The following DLG2 variants were observed in gnomAD, a reference collection of about 807,000 sequenced individuals.
DLG2 encodes the protein disks large homolog 2.
A neutral mutation model predicts 132.5 loss-of-function variants in DLG2; 45 were observed. That is an observed-to-expected ratio of 0.34 (90% CI 0.27 to 0.44). DLG2 has a LOEUF of 0.44. Ranked by LOEUF, DLG2 falls within the 20% of genes least tolerant of loss-of-function variation. The pLI, the probability that DLG2 is intolerant of heterozygous loss-of-function variation, is 1.00. For synonymous variants in DLG2, 424 were observed against 419.6 expected (o/e 1.01, Z -0.13); for missense variants, 1,045 against 1,196.9 (o/e 0.87, Z 1.87).
At chr11:83,632,555 T>G (rs2153458667) in intron 19 of DLG2, 1 of 152,270 alleles carries the variant, frequency 6.6e-6, no homozygotes, top group Admixed American at 6.5e-5. Flanking sequence ...TATAGTTGAG[T>G]GTTGATGGAT....
At chr11:85,579,571 C>T (rs2078379531) in intron 3 of DLG2, among the ~76,000 whole-genome samples, 1 of 151,994 alleles carries the variant, frequency 6.6e-6, no homozygotes. Flanking sequence ...TCTCTATAAC[C>T]TTGATAAGTA....
intron 7 of DLG2, among the ~76,000 whole-genome samples, chr11:84,281,906 A>G (rs2097858225): frequency 6.6e-6 from 1 of 152,162 alleles, no homozygotes; most frequent in African/African-American, 2.4e-5. Context: ...AGTCTCATAC[A>G]CTGCTGGTGA....
chr11:83,631,167 CTTTTTTTTTT>C (rs57696126), intron 19 of DLG2: 1 of 91,660 alleles, frequency 1.1e-5, no homozygotes, highest in Admixed American at 1.1e-4. Context: ...TTGCTTCTTG[CTTTTTTTTTT>C]TTTTTTTTTT....
chr11:84,352,796 A>C (rs1272737909), intron 7 of DLG2, among the ~76,000 whole-genome samples: 2 of 152,214 alleles, frequency 1.3e-5, no homozygotes, highest in African/African-American at 4.8e-5. Context: ...ACTTTATGAA[A>C]GAGAAAAGCA....
At chr11:85,562,330 G>A (rs551990637) in intron 3 of DLG2, among the ~76,000 whole-genome samples, 5 of 151,802 alleles carry the variant, frequency 3.3e-5, no homozygotes, top group Non-Finnish European at 7.4e-5. Flanking sequence ...TTAGAGCTAA[G>A]AATTCCTTGG....
At chr11:84,322,444 G>A (rs1363499101) in intron 7 of DLG2, among the ~76,000 whole-genome samples, 1 of 152,150 alleles carries the variant, frequency 6.6e-6, no homozygotes, top group African/African-American at 2.4e-5. Flanking sequence ...GCTTTTTCAA[G>A]AGTTCTCCCT....
intron 16 of DLG2, among the ~76,000 whole-genome samples, chr11:83,846,732 A>T (rs2058675826): frequency 6.6e-6 from 1 of 152,116 alleles, no homozygotes; most frequent in Admixed American, 6.5e-5. Flanking sequence ...CTCGCAACAT[A>T]AATCAACTAT....
intron 3 of DLG2, among the ~76,000 whole-genome samples, chr11:85,516,731 C>T (rs2094177074): frequency 1.3e-5 from 2 of 151,844 alleles, no homozygotes. Flanking sequence ...CCTAAAAATA[C>T]AGAAACCCTA....
chr11:83,748,877 C>CT (rs1161364632), intron 18 of DLG2, among the ~76,000 whole-genome samples: 1 of 152,174 alleles, frequency 6.6e-6, no homozygotes, highest in South Asian at 2.1e-4. Flanking sequence ...ATTTTACAAG[C>CT]TTTTTTTGCC....
intron 3 of DLG2, among the ~76,000 whole-genome samples, chr11:85,438,539 G>T (rs2091610162): frequency 6.6e-6 from 1 of 152,038 alleles, no homozygotes; most frequent in African/African-American, 2.4e-5. Flanking sequence ...AATATACAGA[G>T]ATATCTTATA....
At chr11:85,386,033 T>C (rs1488398574) in intron 3 of DLG2, among the ~76,000 whole-genome samples, 3 of 152,246 alleles carry the variant, frequency 2.0e-5, no homozygotes, top group Non-Finnish European at 2.9e-5. Context: ...ACATGTGTTT[T>C]CTTTAAGAGA....
intron 11 of DLG2, among the ~76,000 whole-genome samples, chr11:83,983,175 T>A (rs1302926113): frequency 6.6e-6 from 1 of 152,154 alleles, no homozygotes; most frequent in African/African-American, 2.4e-5. Context: ...TAAGAATTTT[T>A]AAAAATCTCT....
intron 11 of DLG2, among the ~76,000 whole-genome samples, chr11:84,019,866 G>T (rs75323382): frequency 2.6e-5 from 4 of 152,090 alleles, no homozygotes; most frequent in South Asian, 2.1e-4. Flanking sequence ...CTAATATCTC[G>T]ATCTCAGACT....
intron 6 of DLG2, among the ~76,000 whole-genome samples, chr11:84,741,148 G>A (rs1049716845): frequency 2.9e-5 from 4 of 135,826 alleles, no homozygotes; most frequent in African/African-American, 1.1e-4. Flanking sequence ...CTCACTGCAA[G>A]CTCCGCCTTC....
intron 8 of DLG2, among the ~76,000 whole-genome samples, chr11:84,224,826 C>T (rs1290323206): frequency 1.3e-5 from 2 of 152,280 alleles, no homozygotes; most frequent in East Asian, 1.9e-4. Context: ...AAACTGAAAA[C>T]AGTTTACTGA....
At chr11:83,984,613 C>T (rs750383177) in intron 11 of DLG2, among the ~76,000 whole-genome samples, 2 of 152,092 alleles carry the variant, frequency 1.3e-5, no homozygotes, top group Non-Finnish European at 2.9e-5. Flanking sequence ...ATAAGCATCT[C>T]CTGAGTACAT....
At chr11:84,890,744 G>C (rs2089235263) in intron 6 of DLG2, 1 of 152,282 alleles carries the variant, frequency 6.6e-6, no homozygotes, top group African/African-American at 2.4e-5. Context: ...ATCAGTCCCA[G>C]AGCTGTCTGT....
intron 7 of DLG2, among the ~76,000 whole-genome samples, chr11:84,412,001 T>C (rs371537143): frequency 6.6e-5 from 10 of 151,812 alleles, no homozygotes; most frequent in South Asian, 2.1e-4. Flanking sequence ...TTCTACACTA[T>C]TGACATACAG....
chr11:85,294,008 G>A (rs528085079), intron 3 of DLG2, among the ~76,000 whole-genome samples: 12 of 152,190 alleles, frequency 7.9e-5, no homozygotes, highest in African/African-American at 1.4e-4. Context: ...TTGGGACGCC[G>A]AAGTGGGAAG....
Sources: allele counts gnomAD v4.1 joint callset (sites outside exome capture counted in the v4.1 genomes callset), GRCh38; gene constraint gnomAD v4.1.1; transcripts MANE v1.5; gene names NCBI Gene and HGNC (gene_info 2026-07-23, HGNC 2026-07-21).